The following CXCL13 variants were observed in gnomAD, a reference collection of about 807,000 sequenced individuals.
The protein encoded by CXCL13 is C-X-C motif chemokine ligand 13.
In CXCL13, 7 loss-of-function variants were observed where a neutral mutation model predicts 12.2. The observed-to-expected ratio is 0.57, with a 90% confidence interval of 0.33 to 1.07. The LOEUF is 1.07. Ranked by LOEUF, CXCL13 falls within the 50% of genes least tolerant of loss-of-function variation. The pLI is 0.04. For synonymous variants in CXCL13, 47 were observed against 42.4 expected, an observed-to-expected ratio of 1.11 and a Z score of -0.42; for missense variants, 113 against 127.4, an observed-to-expected ratio of 0.89 and a Z score of 0.55.
chr4:77,590,680 G>A (rs1331418793), intron 1 of CXCL13, among the ~76,000 whole-genome samples: 3 of 152,152 alleles, frequency 2.0e-5, no homozygotes, highest in African/African-American at 7.2e-5. Context: ...TCGCTCTCCT[G>A]TGGAGATGTC....
intron 1 of CXCL13, among the ~76,000 whole-genome samples, chr4:77,553,793 C>G (rs558039316): frequency 6.6e-6 from 1 of 152,154 alleles, no homozygotes; most frequent in Non-Finnish European, 1.5e-5. Context: ...CTGAAAGCCT[C>G]TAATCCACCA....
At chr4:77,552,281 A>AT (rs368344524) in intron 1 of CXCL13, among the ~76,000 whole-genome samples, 84 of 152,116 alleles carry the variant, frequency 5.5e-4, no homozygotes, top group African/African-American at 1.3e-3. Flanking sequence ...TAATAATAAC[A>AT]TTTTTTTCCC....
chr4:77,523,272 G>A (rs527931560), intron 1 of CXCL13, among the ~76,000 whole-genome samples: 9 of 152,264 alleles, frequency 5.9e-5, no homozygotes, highest in Middle Eastern at 3.4e-3. Context: ...CTATGTTGGG[G>A]AAGTTCTCCT....
intron 1 of CXCL13, among the ~76,000 whole-genome samples, chr4:77,596,428 A>C (rs1018055079): frequency 6.6e-6 from 1 of 152,224 alleles, no homozygotes; most frequent in African/African-American, 2.4e-5. Flanking sequence ...CTCCAAAATT[A>C]AAAATAGAAC....
At chr4:77,522,749 A>C (rs1724643329) in intron 1 of CXCL13, among the ~76,000 whole-genome samples, 1 of 151,936 alleles carries the variant, frequency 6.6e-6, no homozygotes, top group South Asian at 2.1e-4. Context: ...TGATCCTGTC[A>C]TTATGATGTT....
intron 1 of CXCL13, among the ~76,000 whole-genome samples, chr4:77,532,946 T>A (rs114115900): frequency 0.078 from 11,868 of 151,818 alleles, 630 homozygotes; most frequent in South Asian, 0.13. Context: ...ATCTAATTTT[T>A]TTTTAGGTTT....
In CXCL13 at chr4:77,539,370, G is replaced by A. The variant is rs145487302; in HGVS notation, c.-43+27582G>A. Among the ~76,000 whole-genome samples the A allele has an allele frequency of 5.5e-3, 835 of 152,234 alleles. 8 individuals are homozygous for A. Among genetic ancestry groups the A allele is most frequent in the African/African-American group, 0.018 (734 of 41,542 alleles). ...TCAAACTCCTGACCTCAAGTGATCC[G>A]CCCATCTTGGCCTCCCAAAGTGCTG... On this transcript the variant is annotated intron_variant, in intron 1 of 4. Coordinates refer to the CXCL13 transcript ENST00000286758.
chr4:77,595,074 G>A (rs1042092506), intron 1 of CXCL13, among the ~76,000 whole-genome samples: 4 of 148,780 alleles, frequency 2.7e-5, no homozygotes, highest in African/African-American at 1.0e-4. Flanking sequence ...TTTACCAGCA[G>A]CACATCATTT....
At chr4:77,516,142 A>G (rs536629866) in intron 1 of CXCL13, among the ~76,000 whole-genome samples, 1 of 152,326 alleles carries the variant, frequency 6.6e-6, no homozygotes, top group Admixed American at 6.5e-5. Context: ...CCAGACTTGC[A>G]TCCCAGAGAT....
At chr4:77,584,002 A>G (rs1328531120) in intron 1 of CXCL13, among the ~76,000 whole-genome samples, 7 of 152,174 alleles carry the variant, frequency 4.6e-5, no homozygotes, top group African/African-American at 1.7e-4. Context: ...CAGACAGGCA[A>G]GGTAAGACCC....
At chr4:77,605,502 GA>G (rs1259384470), upstream of CXCL13, among the ~76,000 whole-genome samples, 1 of 152,092 alleles carries the variant, frequency 6.6e-6, no homozygotes, top group Non-Finnish European at 1.5e-5. Context: ...TGCACTGAGA[GA>G]AGCACTCAAA....
At chr4:77,589,552 A>ATGTG (rs1013699425) in intron 1 of CXCL13, among the ~76,000 whole-genome samples, 2 of 151,834 alleles carry the variant, frequency 1.3e-5, no homozygotes, top group African/African-American at 4.8e-5. Flanking sequence ...GTATGTATGT[A>ATGTG]TCAGAAAAAA....
intron 1 of CXCL13, among the ~76,000 whole-genome samples, chr4:77,581,454 A>G (rs1319548138): frequency 6.6e-6 from 1 of 152,222 alleles, no homozygotes; most frequent in Non-Finnish European, 1.5e-5. Flanking sequence ...AATCTCTGGT[A>G]TCAATGGCTC....
chr4:77,568,139 G>A (rs1725980779), intron 1 of CXCL13, among the ~76,000 whole-genome samples: 1 of 152,112 alleles, frequency 6.6e-6, no homozygotes, highest in African/African-American at 2.4e-5. Flanking sequence ...CCTCCCCTTG[G>A]ACTCCAAATT....
At chr4:77,566,470 C>G (rs1293214274) in intron 1 of CXCL13, among the ~76,000 whole-genome samples, 1 of 152,040 alleles carries the variant, frequency 6.6e-6, no homozygotes, top group Admixed American at 6.5e-5. Flanking sequence ...ATGTTTTTAT[C>G]TCTTGGACCA....
chr4:77,554,632 A>G (rs942779430), intron 1 of CXCL13, among the ~76,000 whole-genome samples: 1 of 152,142 alleles, frequency 6.6e-6, no homozygotes, highest in Non-Finnish European at 1.5e-5. Context: ...GCTCCATGGA[A>G]CAACAATAAC....
chr4:77,548,244 T>G (rs371726394), intron 1 of CXCL13, among the ~76,000 whole-genome samples: 6 of 152,204 alleles, frequency 3.9e-5, no homozygotes, highest in African/African-American at 1.4e-4. Context: ...AGGTAGTATT[T>G]ATTCTGGATT....
At chr4:77,526,926 C>G (rs1175401840) in intron 1 of CXCL13, among the ~76,000 whole-genome samples, 2 of 152,146 alleles carry the variant, frequency 1.3e-5, no homozygotes, top group East Asian at 1.9e-4. Context: ...AAGAGTTGGA[C>G]AGGCTCAAGC....
intron 1 of CXCL13, among the ~76,000 whole-genome samples, chr4:77,575,723 C>T (rs761417678): frequency 6.6e-6 from 1 of 151,688 alleles, no homozygotes; most frequent in Non-Finnish European, 1.5e-5. Context: ...GCTTTACTGA[C>T]ACCTAGCTTT....
Sources: gnomAD v4.1 joint callset for allele counts (sites outside exome capture counted in the v4.1 genomes callset) on GRCh38, gnomAD v4.1.1 for gene constraint, MANE v1.5 for transcripts, NCBI Gene and HGNC (gene_info 2026-07-23, HGNC 2026-07-21) for gene names.